Variants in MERTK observed in about 807,000 individuals in gnomAD.
The protein encoded by MERTK is tyrosine-protein kinase Mer.
MERTK carries 69 observed loss-of-function variants against 99.3 expected under a neutral mutation model. The observed-to-expected ratio is 0.70, with a 90% CI of 0.57 to 0.85. MERTK has a LOEUF of 0.85. MERTK is among the 40% of genes least tolerant of loss of function. The probability of loss-of-function intolerance (pLI) is 0.00; values close to 1 mark genes in which losing one functional copy is unlikely to be tolerated. For synonymous variants in MERTK, 426 were observed against 467.6 expected (o/e 0.91, Z 1.15); for missense variants, 1,125 against 1,249.4 (o/e 0.90, Z 1.50).
At chr2:111,975,131 G>A (rs1215297724) in intron 6 of MERTK, among the ~76,000 whole-genome samples, 158 bp from the exon 7 acceptor site, 1 of 152,216 alleles carries the variant, frequency 6.6e-6, no homozygotes, top group Admixed American at 6.5e-5. Flanking sequence ...GTAACACACA[G>A]TGATGCTAGC....
intron 9 of MERTK, chr2:111,995,443 A>C (rs77702371): frequency 2.1e-5 from 4 of 188,294 alleles, no homozygotes; most frequent in East Asian, 1.9e-4. Flanking sequence ...GTTTTTGCCA[A>C]ACATGACCTT....
At chr2:112,002,987 T>C in intron 11 of MERTK, 105 bp from the exon 12 acceptor site, 1 of 665,210 alleles carries the variant, frequency 1.5e-6, no homozygotes, top group Non-Finnish European at 2.8e-6. Context: ...AATAAATAAA[T>C]AAATAAGGAA....
rs61232340 is a variant in MERTK, at chr2:111,905,433, C to CTTTTT, written c.61+6656_61+6660dup. Among the ~76,000 whole-genome samples the CTTTTT allele has an allele frequency of 9.1e-4, 78 of 85,260 alleles. 3 individuals are homozygous for CTTTTT. The highest frequency in any genetic ancestry group is 1.9e-3 in the South Asian group (4 of 2,078). The allele number at this position is 85,260 out of a possible 152,430, so 55.9% of individuals were successfully genotyped here. ...ATTTCATTGAGAAACCTACACTGTT[C>CTTTTT]TTTTTTTTTTTTTTTTTTTTTTTGA... On this transcript the variant is annotated intron_variant, in intron 1 of 18. Coordinates refer to ENST00000295408, the MANE Select transcript of MERTK (RefSeq NM_006343.3).
intron 15 of MERTK, among the ~76,000 whole-genome samples, chr2:112,014,052 C>T (rs567470977): frequency 9.5e-5 from 14 of 147,232 alleles, no homozygotes; most frequent in African/African-American, 2.5e-4. Flanking sequence ...GACAGAGTCT[C>T]GCTCTGTCGC....
At chr2:111,944,051 C>T (rs1175825089) in intron 2 of MERTK, among the ~76,000 whole-genome samples, 2 of 152,144 alleles carry the variant, frequency 1.3e-5, no homozygotes, top group Admixed American at 6.5e-5. Context: ...ATAATCCTAG[C>T]ACTTTGGGAG....
intron 6 of MERTK, among the ~76,000 whole-genome samples, 200 bp from the exon 7 acceptor site, chr2:111,975,089 C>T (rs143747258): frequency 5.3e-5 from 8 of 152,252 alleles, no homozygotes; most frequent in African/African-American, 1.7e-4. Flanking sequence ...AGGCGTTTTC[C>T]TCAGGTGTTC....
At chr2:112,010,167 G>A in intron 15 of MERTK, 101 bp downstream of exon 15, 1 of 922,794 alleles carries the variant, frequency 1.1e-6, no homozygotes, top group Non-Finnish European at 1.8e-6. Context: ...CCAGGAAGGA[G>A]AGGACGTTGA....
intron 1 of MERTK, among the ~76,000 whole-genome samples, chr2:111,914,264 C>T (rs755581930): frequency 1.1e-4 from 17 of 151,678 alleles, no homozygotes; most frequent in Admixed American, 2.6e-4. Context: ...CCACCACGCC[C>T]GGCTAATTTT....
At chr2:111,916,099 T>C (rs1684345008) in intron 1 of MERTK, among the ~76,000 whole-genome samples, 2 of 152,142 alleles carry the variant, frequency 1.3e-5, no homozygotes. Flanking sequence ...GTTCTATAAA[T>C]ATAGATTATA....
intron 6 of MERTK, among the ~76,000 whole-genome samples, chr2:111,973,730 T>G (rs529824307): frequency 6.6e-6 from 1 of 152,202 alleles, no homozygotes; most frequent in African/African-American, 2.4e-5. Flanking sequence ...TGAAAAAGCA[T>G]GTAATGGAGA....
intron 17 of MERTK, among the ~76,000 whole-genome samples, chr2:112,021,928 A>G (rs1677358848): frequency 6.6e-6 from 1 of 152,152 alleles, no homozygotes; most frequent in African/African-American, 2.4e-5. Context: ...CCTAGATGCT[A>G]TATGAAAGGT....
chr2:111,976,691 G>A (rs906527707), intron 7 of MERTK, among the ~76,000 whole-genome samples: 15 of 151,056 alleles, frequency 9.9e-5, no homozygotes, highest in African/African-American at 3.6e-4. Flanking sequence ...TTTTCTATTT[G>A]TTCTATCTGT....
chr2:112,010,170 G>A, intron 15 of MERTK, 104 bp downstream of exon 15: 1 of 911,100 alleles, frequency 1.1e-6, no homozygotes, highest in Admixed American at 1.7e-5. Flanking sequence ...GGAAGGAGAG[G>A]ACGTTGACTT....
intron 18 of MERTK, among the ~76,000 whole-genome samples, chr2:112,027,861 G>C (rs1479550626): frequency 6.6e-6 from 1 of 152,238 alleles, no homozygotes; most frequent in Non-Finnish European, 1.5e-5. Flanking sequence ...GCATAGGACA[G>C]AGGTCAGCAA....
chr2:112,022,658 G>A lies in MERTK; in HGVS notation c.2486+264G>A, dbSNP rs561794788. On this transcript the variant is annotated intron_variant, in intron 18 of 18. Transcript: ENST00000295408. ...GAACGACAGGCACGGTCAAGACAAG[G>A]CAATGGCACCTGTCCTAAAATTCCT... The A allele has an allele frequency of 9.9e-5, 70 of 703,708 alleles. No homozygotes were observed. In the East Asian group the frequency reaches 1.9e-3, roughly 19 times the overall value. The allele number at this position is 703,708 out of a possible 1,614,324, so 43.6% of individuals were successfully genotyped here.
chr2:112,028,329 T>C, intron 18 of MERTK, 22 bp from the exon 19 acceptor site: 1 of 1,612,796 alleles, frequency 6.2e-7, no homozygotes, highest in Non-Finnish European at 8.5e-7. Flanking sequence ...TGGGAGACAA[T>C]CCACTTCTTT....
chr2:112,023,903 A>G (rs1179218756), intron 18 of MERTK, among the ~76,000 whole-genome samples: 1 of 151,926 alleles, frequency 6.6e-6, no homozygotes. Flanking sequence ...ACACACAGAC[A>G]CACACACACA....
intron 2 of MERTK, among the ~76,000 whole-genome samples, chr2:111,932,318 A>G (rs1684688511): frequency 6.6e-6 from 1 of 152,110 alleles, no homozygotes; most frequent in South Asian, 2.1e-4. Context: ...AGTAGCTGGG[A>G]CTACAGGCAC....
intron 7 of MERTK, among the ~76,000 whole-genome samples, chr2:111,975,932 C>T (rs1373964816): frequency 6.6e-6 from 1 of 152,100 alleles, no homozygotes; most frequent in Non-Finnish European, 1.5e-5. Context: ...GGACTCAATC[C>T]CCAGGCCTCC....
Sources: gnomAD v4.1 joint callset for allele counts (sites outside exome capture counted in the v4.1 genomes callset) on GRCh38, gnomAD v4.1.1 for gene constraint, MANE v1.5 for transcripts, NCBI Gene and HGNC (gene_info 2026-07-23, HGNC 2026-07-21) for gene names.